Variants in SEC16B observed in about 807,000 individuals in gnomAD.
SEC16B encodes the protein SEC16 homolog B, endoplasmic reticulum export factor.
A neutral mutation model predicts 141.8 loss-of-function variants in SEC16B; 115 were observed. The ratio of observed to expected loss-of-function variants is 0.81; its 90% CI spans 0.70 to 0.95. SEC16B has a LOEUF of 0.95. SEC16B is among the 40% of genes least tolerant of loss of function. The pLI is 0.00. For missense variants in SEC16B, 1,291 were observed against 1,312.3 expected, an observed-to-expected ratio of 0.98 and a Z score of 0.25; for synonymous variants, 493 against 492.5, an observed-to-expected ratio of 1.00 and a Z score of -0.01.
intron 2 of SEC16B, 84 bp downstream of exon 2, chr1:177,967,599 T>C (rs1353677583): frequency 1.5e-6 from 2 of 1,354,188 alleles, no homozygotes; most frequent in Non-Finnish European, 2.0e-6. Flanking sequence ...GGGAGAAAAA[T>C]AAAAGGAAAA....
chr1:177,962,758 T>G (rs186582574), intron 5 of SEC16B, among the ~76,000 whole-genome samples: 250 of 151,490 alleles, frequency 1.7e-3, no homozygotes, highest in Non-Finnish European at 2.8e-3. Flanking sequence ...AATAAATAAA[T>G]AAAGAAATTC....
In SEC16B at chr1:177,940,597, C is replaced by G. The variant is rs1464769155; in HGVS notation, c.2127+13G>C. On this transcript the variant is annotated intron_variant, in intron 17 of 25. Transcript: ENST00000308284. ...GCCAGTCCCCCCAACGCCCTGGCTC[C>G]AATCCCACTCACCTCCAGCTGCCTC... 5.0e-6 allele frequency: 8 copies of G among 1,603,312 alleles called. No individual in the cohort carries two copies. In the East Asian group the frequency reaches 1.8e-4, roughly 36 times the overall value.
chr1:177,976,463 G>C (rs1246968131), intron 1 of SEC16B, among the ~76,000 whole-genome samples: 1 of 152,200 alleles, frequency 6.6e-6, no homozygotes, highest in Non-Finnish European at 1.5e-5. Context: ...CAGGTCGACA[G>C]GATGTAAATT....
At chr1:177,961,976 C>T (rs934866238) in intron 5 of SEC16B, among the ~76,000 whole-genome samples, 1 of 152,140 alleles carries the variant, frequency 6.6e-6, no homozygotes, top group Non-Finnish European at 1.5e-5. Flanking sequence ...AGCTGCTGTG[C>T]CCCTGGACAC....
At chr1:177,981,500 C>G (rs1654414663) in intron 1 of SEC16B, among the ~76,000 whole-genome samples, 1 of 152,162 alleles carries the variant, frequency 6.6e-6, no homozygotes, top group Non-Finnish European at 1.5e-5. Context: ...CATCTGTCCA[C>G]CATTTATTCA....
chr1:177,965,484 A>C (rs1228166106), intron 3 of SEC16B, among the ~76,000 whole-genome samples: 1 of 151,948 alleles, frequency 6.6e-6, no homozygotes, highest in Non-Finnish European at 1.5e-5. Flanking sequence ...CCCTATACCT[A>C]TTAGCATACG....
chr1:177,950,699 G>C (rs1478031074), intron 12 of SEC16B, among the ~76,000 whole-genome samples: 2 of 151,976 alleles, frequency 1.3e-5, no homozygotes, highest in Non-Finnish European at 2.9e-5. Flanking sequence ...CATAATCTGA[G>C]TTACTAGAGC....
chr1:177,948,025 G>T, intron 12 of SEC16B, 83 bp from the exon 13 acceptor site: 2 of 1,110,406 alleles, frequency 1.8e-6, no homozygotes, highest in Non-Finnish European at 2.7e-6. Context: ...CTATTTCCTG[G>T]TTCAGAAGTG....
chr1:177,938,364 T>C (rs1651019833), intron 18 of SEC16B, among the ~76,000 whole-genome samples: 1 of 152,234 alleles, frequency 6.6e-6, no homozygotes, highest in Non-Finnish European at 1.5e-5. Flanking sequence ...CACCCCAAGG[T>C]GAACATGGGT....
In SEC16B at chr1:177,932,810, C is replaced by T. The variant is rs751135656; in HGVS notation, c.2824-4G>A. The stretch of plus-strand genomic sequence containing the variant: ...GAGAAGATGCTCTGGGGGTCTCCTG[C>T]TTTGTGGAGAAAGAAAGGCAGCATT... On this transcript the variant is annotated splice_region_variant and splice_polypyrimidine_tract_variant and intron_variant, in intron 22 of 25. Coordinates refer to ENST00000308284, the MANE Select transcript of SEC16B (RefSeq NM_033127.4). 10 of 1,607,024 alleles carry T rather than the reference C, an allele frequency of 6.2e-6. No individual in the cohort carries two copies. Among genetic ancestry groups the T allele is most frequent in the Non-Finnish European group, 8.5e-6 (10 of 1,176,998 alleles).
chr1:177,961,457 T>TC (rs1428392344), intron 6 of SEC16B, 133 bp downstream of exon 6: 5 of 903,588 alleles, frequency 5.5e-6, no homozygotes, highest in Non-Finnish European at 6.6e-6. Context: ...AAAGTTGACC[T>TC]CTCTGCCCAG....
At chr1:177,967,639 C>T (rs370806952) in intron 2 of SEC16B, 44 bp downstream of exon 2, 298 of 1,482,624 alleles carry the variant, frequency 2.0e-4, no homozygotes, top group Non-Finnish European at 2.0e-4. Context: ...CCTATTCATA[C>T]GCATTTAGGA....
At chr1:177,977,472 G>A (rs564704326) in intron 1 of SEC16B, among the ~76,000 whole-genome samples, 1 of 152,198 alleles carries the variant, frequency 6.6e-6, no homozygotes, top group East Asian at 1.9e-4. Flanking sequence ...TACCTAGGGG[G>A]CTAGTGACAC....
At chr1:177,976,771 T>C (rs1654183251) in intron 1 of SEC16B, among the ~76,000 whole-genome samples, 1 of 152,196 alleles carries the variant, frequency 6.6e-6, no homozygotes. Flanking sequence ...AAGTCATCAG[T>C]AAGGGATTAA....
chr1:177,946,513 T>C lies in SEC16B; in HGVS notation c.1682A>G (p.Glu561Gly). Residue 561 changes from glutamate to glycine, a missense_variant, in exon 14 of 26, where the codon GAG becomes GGG. By Grantham distance (98) the Glu-to-Gly change is moderately conservative. Transcript: ENST00000308284. ...GDTLAGKGLV[E>G]AAHFCYLMAH... ...CATGAGATAGCAGAAGTGAGCTGCC[T>C]CCACAAGCCCCTTCCCAGCTGCGGG... The C allele has an allele frequency of 6.3e-7, 1 of 1,579,818 alleles. No individual in the cohort carries two copies. Among genetic ancestry groups the C allele is most frequent in the African/African-American group, 1.3e-5 (1 of 74,092 alleles).
chr1:177,973,601 A>G (rs1442963897), upstream of SEC16B, among the ~76,000 whole-genome samples: 1 of 152,210 alleles, frequency 6.6e-6, no homozygotes, highest in Admixed American at 6.5e-5. Flanking sequence ...AAGATTGATT[A>G]ACTGTGCTCA....
In SEC16B at chr1:177,979,822, G is replaced by C. The variant is rs556852469; in HGVS notation, c.-59+4384C>G. 3.6e-4 allele frequency among the ~76,000 whole-genome samples: 55 copies of C among 152,224 alleles called. 1 individual carries two copies. In the Middle Eastern group the frequency reaches 0.024, roughly 66 times the overall value. On this transcript the variant is annotated intron_variant and NMD_transcript_variant, in intron 1 of 24. Coordinates refer to the SEC16B transcript ENST00000528461. ...GCAGGCAAAGAGAGAGCTTGTGTAG[G>C]GAAACACCTCCTTATAGAACCATCA...
intron 19 of SEC16B, among the ~76,000 whole-genome samples, 199 bp downstream of exon 19, chr1:177,937,015 A>G (rs1184652651): frequency 6.6e-6 from 1 of 152,024 alleles, no homozygotes; most frequent in African/African-American, 2.4e-5. Context: ...GAAGATAGCA[A>G]TCTCCTTCAG....
rs1265891028 is a variant in SEC16B at position 177,946,443 on chromosome 1, C to T, written c.1752G>A (p.Leu584=). ...FGHYTVKTDH[L]VLLGSSHSQE... Reference sequence around the variant, plus strand: ...ACCTGTGGCTGCTGCCCAGCAAGACCAGATGGTCTGTCTTCACGGTGTAGT... The same window carrying T: ...ACCTGTGGCTGCTGCCCAGCAAGACTAGATGGTCTGTCTTCACGGTGTAGT... Residue 584 remains leucine, a synonymous_variant, in exon 14 of 26, where the codon CTG becomes CTA. Coordinates refer to ENST00000308284, the MANE Select transcript of SEC16B (RefSeq NM_033127.4). The T allele has an allele frequency of 1.9e-6, 3 of 1,575,236 alleles. No individual in the cohort carries two copies. The African/African-American group carries it at 4.1e-5, about 21-fold the overall frequency.
Sources: gnomAD v4.1 joint callset for allele counts (sites outside exome capture counted in the v4.1 genomes callset) on GRCh38, gnomAD v4.1.1 for gene constraint, MANE v1.5 for transcripts, NCBI Gene and HGNC (gene_info 2026-07-23, HGNC 2026-07-21) for gene names.